The following CTNNA2 variants were observed in gnomAD, a reference collection of about 807,000 sequenced individuals.
CTNNA2 encodes the protein catenin alpha 2.
Under a neutral mutation model 101.0 loss-of-function variants are expected in CTNNA2, and 42 were observed. That is an observed-to-expected ratio of 0.42 (90% CI 0.32 to 0.54). The LOEUF is 0.54. Ranked by LOEUF, CTNNA2 falls within the 20% of genes least tolerant of loss-of-function variation. The pLI is 0.14. For missense variants in CTNNA2, 871 were observed against 1,223.1 expected, an observed-to-expected ratio of 0.71 and a Z score of 4.29; for synonymous variants, 450 against 456.4, an observed-to-expected ratio of 0.99 and a Z score of 0.18.
intron 7 of CTNNA2, among the ~76,000 whole-genome samples, chr2:80,079,887 A>AAATAAAATAAAATAAAAT (rs1558788215): frequency 2.2e-4 from 30 of 136,986 alleles, no homozygotes; most frequent in African/African-American, 4.7e-4. Flanking sequence ...TAAAATAATA[A>AAATAAAATAAAATAAAAT]AATAAAATAA....
chr2:80,189,886 G>A (rs770283834), intron 7 of CTNNA2, among the ~76,000 whole-genome samples: 2 of 152,104 alleles, frequency 1.3e-5, no homozygotes, highest in Non-Finnish European at 2.9e-5. Context: ...AAATCAGAGA[G>A]TTTTGTTGTG....
rs550516969 is a variant in CTNNA2, at chr2:80,175,703, G to A, written c.1057-217508G>A. 4.1e-4 allele frequency among the ~76,000 whole-genome samples: 63 copies of A among 152,308 alleles called. No individual in the cohort carries two copies. In the South Asian group the frequency reaches 0.013, roughly 31 times the overall value. Reference sequence around the variant, plus strand: ...ACATGATCACAAGGTGAAGTCCCACGATAGGCTGTCTGCAAGCTGAGGAGC... The same window carrying A: ...ACATGATCACAAGGTGAAGTCCCACAATAGGCTGTCTGCAAGCTGAGGAGC... On this transcript the variant is annotated intron_variant, in intron 7 of 18. Coordinates refer to ENST00000402739, the MANE Select transcript of CTNNA2 (RefSeq NM_001282597.3).
intron 7 of CTNNA2, among the ~76,000 whole-genome samples, chr2:80,091,310 G>T (rs1452999658): frequency 6.6e-6 from 1 of 152,018 alleles, no homozygotes; most frequent in Non-Finnish European, 1.5e-5. Flanking sequence ...GAAGGTTTAA[G>T]GGCCATTGTC....
intron 7 of CTNNA2, among the ~76,000 whole-genome samples, chr2:80,208,199 T>G (rs747232262): frequency 1.3e-5 from 2 of 152,244 alleles, no homozygotes; most frequent in African/African-American, 2.4e-5. Flanking sequence ...CACTCCATTC[T>G]CAGCCAAGAT....
intron 2 of CTNNA2, among the ~76,000 whole-genome samples, chr2:79,204,695 C>T (rs1674079200): frequency 6.6e-6 from 1 of 152,054 alleles, no homozygotes; most frequent in Non-Finnish European, 1.5e-5. Context: ...CTGGGATGTC[C>T]AAGATCAAGG....
At chr2:80,453,790 C>T (rs75435216) in intron 9 of CTNNA2, among the ~76,000 whole-genome samples, 6,418 of 152,172 alleles carry the variant, frequency 0.042, 177 homozygotes, top group Non-Finnish European at 0.066. Context: ...GACTGTAAAT[C>T]AAAAGATACG....
chr2:79,531,189 T>G, intron 1 of CTNNA2, among the ~76,000 whole-genome samples: 1 of 125,418 alleles, frequency 8.0e-6, no homozygotes, highest in Non-Finnish European at 1.6e-5. Context: ...AGTAAATAGA[T>G]ACGCTCATAT....
chr2:79,784,532 C>A (rs1351780543), intron 3 of CTNNA2, among the ~76,000 whole-genome samples: 2 of 150,500 alleles, frequency 1.3e-5, no homozygotes, highest in African/African-American at 4.9e-5. Context: ...TTAAGAAGTT[C>A]AAAGCCAAAT....
chr2:79,290,445 C>T (rs1573040376), intron 2 of CTNNA2, among the ~76,000 whole-genome samples: 5 of 152,190 alleles, frequency 3.3e-5, no homozygotes, highest in Admixed American at 3.3e-4. Flanking sequence ...TAGGTGAGGA[C>T]GGGCACTCCT....
At chr2:80,524,164 C>T (rs1446658926) in intron 9 of CTNNA2, among the ~76,000 whole-genome samples, 1 of 152,034 alleles carries the variant, frequency 6.6e-6, no homozygotes, top group African/African-American at 2.4e-5. Context: ...GGGAGACAGA[C>T]CATTGAATAT....
At chr2:80,213,643 C>T (rs1261675492) in intron 7 of CTNNA2, among the ~76,000 whole-genome samples, 1 of 152,112 alleles carries the variant, frequency 6.6e-6, no homozygotes, top group Admixed American at 6.6e-5. Context: ...ACTGTGTGGT[C>T]AATTTTGGAA....
intron 2 of CTNNA2, among the ~76,000 whole-genome samples, chr2:79,210,008 A>G (rs980249261): frequency 6.6e-6 from 1 of 151,502 alleles, no homozygotes; most frequent in South Asian, 2.1e-4. Flanking sequence ...GAAATTAATG[A>G]CAGGAATTAT....
chr2:79,430,130 G>C (rs925083241), intron 4 of CTNNA2, among the ~76,000 whole-genome samples: 2 of 152,022 alleles, frequency 1.3e-5, no homozygotes, highest in Non-Finnish European at 2.9e-5. Flanking sequence ...CTCCAAGCCT[G>C]GGACATTATT....
intron 2 of CTNNA2, among the ~76,000 whole-genome samples, chr2:79,666,524 G>A (rs12991659): frequency 0.056 from 8,452 of 152,044 alleles, 306 homozygotes; most frequent in Non-Finnish European, 0.072. Flanking sequence ...CATATACCAC[G>A]TTCATCTGTT....
chr2:79,846,409 T>A (rs771199821), intron 3 of CTNNA2, among the ~76,000 whole-genome samples: 2 of 152,224 alleles, frequency 1.3e-5, no homozygotes, highest in African/African-American at 2.4e-5. Flanking sequence ...TCTCTCCGAT[T>A]GTATTTTAGT....
intron 1 of CTNNA2, among the ~76,000 whole-genome samples, chr2:79,551,012 A>G (rs544909282): frequency 1.1e-4 from 17 of 152,342 alleles, no homozygotes; most frequent in South Asian, 2.1e-4. Context: ...AAAACATTTC[A>G]ATAAATAAAA....
chr2:79,287,928 A>T (rs1344649436), intron 2 of CTNNA2, among the ~76,000 whole-genome samples: 1 of 152,232 alleles, frequency 6.6e-6, no homozygotes, highest in Admixed American at 6.5e-5. Flanking sequence ...CCTCTGAGCC[A>T]GGTGCGGGAT....
chr2:79,723,470 C>T (rs1232712717), intron 2 of CTNNA2, among the ~76,000 whole-genome samples: 2 of 152,134 alleles, frequency 1.3e-5, no homozygotes, highest in Non-Finnish European at 2.9e-5. Flanking sequence ...ACAGCTATGC[C>T]ACTCATCAAC....
chr2:79,858,221 G>T, intron 4 of CTNNA2, 42 bp downstream of exon 4: 1 of 1,515,170 alleles, frequency 6.6e-7, no homozygotes, highest in Non-Finnish European at 9.1e-7. Context: ...TATGTGAGTG[G>T]CAATCTTGAC....
Sources: allele counts gnomAD v4.1 joint callset (sites outside exome capture counted in the v4.1 genomes callset), GRCh38; gene constraint gnomAD v4.1.1; transcripts MANE v1.5; gene names NCBI Gene and HGNC (gene_info 2026-07-23, HGNC 2026-07-21).